Variants in SH3BP4 observed in about 807,000 individuals in gnomAD.
SH3BP4 encodes SH3 domain binding protein 4.
Under a neutral mutation model 65.5 loss-of-function variants are expected in SH3BP4, and 33 were observed. The observed-to-expected ratio is 0.50, with a 90% CI of 0.38 to 0.67. SH3BP4 has a LOEUF of 0.67. Ranked by LOEUF, SH3BP4 falls within the 30% of genes least tolerant of loss-of-function variation. The pLI is 0.00. For missense variants in SH3BP4, 1,134 were observed against 1,261.4 expected, an observed-to-expected ratio of 0.90 and a Z score of 1.53; for synonymous variants, 552 against 545.5, an observed-to-expected ratio of 1.01 and a Z score of -0.17.
intron 4 of SH3BP4, among the ~76,000 whole-genome samples, chr2:235,051,106 G>A (rs1462173886): frequency 6.6e-6 from 1 of 152,160 alleles, no homozygotes; most frequent in Non-Finnish European, 1.5e-5. Context: ...TATGGCAGAG[G>A]AGACTCAGAC....
chr2:235,040,862 A>G, intron 3 of SH3BP4, 26 bp from the exon 4 acceptor site: 1 of 1,595,906 alleles, frequency 6.3e-7, no homozygotes. Context: ...TGCCCTCACC[A>G]TCTGTTTTCT....
rs1250732392 is a variant in SH3BP4, at chr2:235,017,469, C to T, written c.-132-17402C>T. ...TCAAAAAAAAAAAAAAAAAAGAAAT[C>T]CTTTCCTAAGCCATATTAATGGCTG... On this transcript the variant is annotated intron_variant, in intron 2 of 5. Transcript: ENST00000392011. Among the ~76,000 whole-genome samples, 23 of 151,270 alleles carry T rather than the reference C, an allele frequency of 1.5e-4. No homozygotes were observed. In the South Asian group the frequency reaches 4.4e-3, roughly 29 times the overall value.
intron 1 of SH3BP4, among the ~76,000 whole-genome samples, chr2:234,972,816 C>A (rs1423601057): frequency 6.6e-6 from 1 of 152,238 alleles, no homozygotes; most frequent in African/African-American, 2.4e-5. Flanking sequence ...TCTGAACAGA[C>A]TGCAGAGAGA....
In SH3BP4 at chr2:235,033,747, TGGG is replaced by T. The variant is rs10570216; in HGVS notation, c.-132-1121_-132-1119del. On this transcript the variant is annotated intron_variant, in intron 2 of 5. Transcript: ENST00000392011. The surrounding 1 kb of genome is among the most constrained non-coding windows in gnomAD (Gnocchi z 5.7). ...AGCCATGCTCACTGCACATGGAGCC[TGGG>T]GGAAGAGTGGGGATGGTCAGGGCTC... is the stretch of plus-strand genomic sequence containing the variant. Among the ~76,000 whole-genome samples the T allele has an allele frequency of 0.024, 3,577 of 152,172 alleles. 110 individuals are homozygous for T. Among genetic ancestry groups the T allele is most frequent in the African/African-American group, 0.076 (3,173 of 41,514 alleles).
Position 235,034,331 on chromosome 2 carries a change from G to A in SH3BP4, c.-132-540G>A, listed in dbSNP as rs977398724. On this transcript the variant is annotated intron_variant, in intron 2 of 5. Transcript: ENST00000392011. This position sits in a 1 kb window ranked among gnomAD's most constrained non-coding sequence, Gnocchi z 6.2. ...TGTTGTGTTTAGAATTGTTTATTTG[G>A]GGTGCAGGGGGATTTCAGGAGCGGA... is the stretch of plus-strand genomic sequence containing the variant. Among the ~76,000 whole-genome samples the A allele has an allele frequency of 6.6e-6, 1 of 152,140 alleles. No homozygotes were observed. The highest frequency in any genetic ancestry group is 1.5e-5 in the Non-Finnish European group (1 of 68,032).
chr2:235,018,177 A>AT (rs2106305764), intron 2 of SH3BP4, among the ~76,000 whole-genome samples: 1 of 152,184 alleles, frequency 6.6e-6, no homozygotes, highest in Admixed American at 6.5e-5. Context: ...GGATGAGGTG[A>AT]TTGTTTCCAT....
intron 4 of SH3BP4, 26 bp downstream of exon 4, chr2:235,043,273 G>A (rs371390374): frequency 1.9e-4 from 295 of 1,521,388 alleles, no homozygotes; most frequent in Middle Eastern, 7.7e-4. Context: ...GTGCCTGGGC[G>A]TTCAGGGGTG....
chr2:234,990,877 G>A (rs2106269074), intron 1 of SH3BP4, among the ~76,000 whole-genome samples: 1 of 152,260 alleles, frequency 6.6e-6, no homozygotes, highest in South Asian at 2.1e-4. Context: ...TTAGCATCTG[G>A]GGGTTTGCAG....
intron 3 of SH3BP4, among the ~76,000 whole-genome samples, chr2:235,038,384 T>TAC (rs1220502206): frequency 6.1e-5 from 1 of 16,512 alleles, no homozygotes; most frequent in African/African-American, 5.4e-4. Flanking sequence ...TACATATATA[T>TAC]ATATATATAT....
In SH3BP4 at chr2:234,995,410, C is replaced by T. The variant is rs116233990; in HGVS notation, c.-133+34C>T. ...TGCAGGCATGGTGTGAGTGGGTTGCCATACCTGGACCCGCTTTACCATGTC... is the reference window on the plus strand; with the variant it reads ...TGCAGGCATGGTGTGAGTGGGTTGCTATACCTGGACCCGCTTTACCATGTC... On this transcript the variant is annotated intron_variant, in intron 2 of 5. Coordinates refer to ENST00000392011, the MANE Select transcript of SH3BP4 (RefSeq NM_014521.3). 1,270 of 152,346 alleles carry T rather than the reference C, an allele frequency of 8.3e-3. 3 individuals carry two copies. The highest frequency in any genetic ancestry group is 0.012 in the Non-Finnish European group (826 of 68,068). The allele number at this position is 152,346 out of a possible 1,614,324, so 9.4% of individuals were successfully genotyped here.
Position 235,016,889 on chromosome 2 carries a change from G to A in SH3BP4, c.-132-17982G>A, listed in dbSNP as rs762864295. Among the ~76,000 whole-genome samples, 8 of 152,152 alleles carry A rather than the reference G, an allele frequency of 5.3e-5. No homozygotes were observed. In the South Asian group the frequency reaches 1.0e-3, roughly 20 times the overall value. On this transcript the variant is annotated intron_variant, in intron 2 of 5. Transcript: ENST00000392011. ...CCCTTCCGAGCTAATGCAGAGATGCGGGTTTCTGTCTATGGGGGATGGGGA... is the reference window on the plus strand; with the variant it reads ...CCCTTCCGAGCTAATGCAGAGATGCAGGTTTCTGTCTATGGGGGATGGGGA...
intron 4 of SH3BP4, among the ~76,000 whole-genome samples, chr2:235,048,063 G>A (rs1446633458): frequency 6.6e-6 from 1 of 152,174 alleles, no homozygotes; most frequent in Non-Finnish European, 1.5e-5. Context: ...TGTGGATTGG[G>A]AGAAGACCCA....
chr2:234,966,687 A>G (rs892523025), intron 1 of SH3BP4, among the ~76,000 whole-genome samples: 1 of 152,216 alleles, frequency 6.6e-6, no homozygotes, highest in African/African-American at 2.4e-5. Context: ...TCTATTTCAC[A>G]TTCTGCATTT....
At chr2:234,966,952 T>C (rs2106244161) in intron 1 of SH3BP4, among the ~76,000 whole-genome samples, 1 of 152,354 alleles carries the variant, frequency 6.6e-6, no homozygotes, top group East Asian at 1.9e-4. Flanking sequence ...GTATTCCCTC[T>C]TTCTGATTCT....
rs527350625 is a variant in SH3BP4, at chr2:235,026,578, A to C, written c.-132-8293A>C. Among the ~76,000 whole-genome samples the C allele has an allele frequency of 5.5e-4, 83 of 152,202 alleles. No individual in the cohort carries two copies. Among genetic ancestry groups the C allele is most frequent in the African/African-American group, 1.8e-3 (76 of 41,532 alleles). On this transcript the variant is annotated intron_variant, in intron 2 of 5. Coordinates refer to ENST00000392011, the MANE Select transcript of SH3BP4 (RefSeq NM_014521.3). The surrounding 1 kb of genome is among the most constrained non-coding windows in gnomAD (Gnocchi z 4.6). ...CCATTTATTTCTGTCCCTAGTTTTG[A>C]GCACAGAGCCTCGTTGCTAGAGCCT...
rs1209027939 is a variant in SH3BP4 at position 235,045,055 on chromosome 2, G to C, written c.2478+1808G>C. 9.2e-5 allele frequency among the ~76,000 whole-genome samples: 14 copies of C among 152,200 alleles called. No homozygotes were observed. Among genetic ancestry groups the C allele is most frequent in the Admixed American group, 9.2e-4 (14 of 15,286 alleles). ...GGGATGGCCTGCGTCCCTCCCATCA[G>C]CCATCACCCATGTGTGATTCAGAGC... On this transcript the variant is annotated intron_variant, in intron 4 of 5. Transcript: ENST00000392011. The surrounding 1 kb of genome is among the most constrained non-coding windows in gnomAD (Gnocchi z 4.3).
intron 4 of SH3BP4, among the ~76,000 whole-genome samples, chr2:235,049,894 G>A (rs1695991012): frequency 6.6e-6 from 1 of 151,966 alleles, no homozygotes; most frequent in South Asian, 2.1e-4. Flanking sequence ...GGCTTCCTGT[G>A]CTTATCTGTA....
chr2:234,971,999 T>G (rs1693014322), intron 1 of SH3BP4, among the ~76,000 whole-genome samples: 1 of 151,872 alleles, frequency 6.6e-6, no homozygotes, highest in Non-Finnish European at 1.5e-5. Flanking sequence ...GTATTTTTAG[T>G]AGAGACGGGG....
chr2:234,988,675 C>G lies in SH3BP4; in HGVS notation c.-206-6628C>G, dbSNP rs981769171. 4.4e-4 allele frequency among the ~76,000 whole-genome samples: 67 copies of G among 152,166 alleles called. 1 individual carries two copies. Among genetic ancestry groups the G allele is most frequent in the African/African-American group, 1.5e-3 (63 of 41,436 alleles). On this transcript the variant is annotated intron_variant, in intron 1 of 5. Coordinates refer to ENST00000392011, the MANE Select transcript of SH3BP4 (RefSeq NM_014521.3). Reference sequence around the variant, plus strand: ...GAGGGAGGGCGTTCAGAGAAGGCAGCCACTCGGTGCTGCGCGGGTGCCAGG... The same window carrying G: ...GAGGGAGGGCGTTCAGAGAAGGCAGGCACTCGGTGCTGCGCGGGTGCCAGG...
Sources: gnomAD v4.1 joint callset for allele counts (sites outside exome capture counted in the v4.1 genomes callset) on GRCh38, gnomAD v4.1.1 for gene constraint, Gnocchi (gnomAD v3.1) non-coding constraint, MANE v1.5 for transcripts, NCBI Gene and HGNC (gene_info 2026-07-23, HGNC 2026-07-21) for gene names.